CCNG1: variants seen among roughly 807,000 people sequenced by gnomAD.
The protein encoded by CCNG1 is cyclin-G1.
A neutral mutation model predicts 30.0 loss-of-function variants in CCNG1; 13 were observed. The ratio of observed to expected loss-of-function variants is 0.43; its 90% CI spans 0.28 to 0.69. The LOEUF is 0.69. Ranked by LOEUF, CCNG1 falls within the 30% of genes least tolerant of loss-of-function variation. CCNG1 has a pLI of 0.16. For synonymous variants in CCNG1, 110 were observed against 121.5 expected (o/e 0.91, Z 0.62); for missense variants, 285 against 331.4 (o/e 0.86, Z 1.09).
chr5:163,456,176 G>A, the CCNG1 span, among the ~76,000 whole-genome samples: 1 of 152,186 alleles, frequency 6.6e-6, no homozygotes, highest in South Asian at 2.1e-4. Flanking sequence ...AAAAAGTCTA[G>A]GCTAGAGATA....
chr5:163,455,903 A>G, the CCNG1 span, among the ~76,000 whole-genome samples: 5 of 152,228 alleles, frequency 3.3e-5, no homozygotes, highest in African/African-American at 1.2e-4. Context: ...GCCAAATTCT[A>G]AATATATTTC....
intron 5 of CCNG1, 114 bp from the exon 6 acceptor site, chr5:163,442,260 T>G (rs539961844): frequency 1.8e-6 from 2 of 1,097,580 alleles, no homozygotes; most frequent in Non-Finnish European, 2.6e-6. Context: ...GTAGCTATCC[T>G]CAAATGTTTT....
chr5:163,456,002 C>G, the CCNG1 span, among the ~76,000 whole-genome samples: 1 of 151,802 alleles, frequency 6.6e-6, no homozygotes, highest in Non-Finnish European at 1.5e-5. Flanking sequence ...TTTTTTTGAC[C>G]TGAACTACTA....
At chr5:163,454,589 C>T in the CCNG1 span, among the ~76,000 whole-genome samples, 18 of 152,348 alleles carry the variant, frequency 1.2e-4, no homozygotes, top group East Asian at 3.5e-3. Context: ...GATCCGCCTG[C>T]CTCAGCCTCC....
chr5:163,456,247 C>T, the CCNG1 span, among the ~76,000 whole-genome samples: 1 of 152,140 alleles, frequency 6.6e-6, no homozygotes, highest in Admixed American at 6.5e-5. Flanking sequence ...CTAGCAATTC[C>T]TCTCCTAGAT....
At chr5:163,450,325 A>C (rs1458506445), downstream of CCNG1, 3 of 152,182 alleles carry the variant, frequency 2.0e-5, no homozygotes, top group Admixed American at 2.0e-4. Flanking sequence ...GACACCAAAA[A>C]CATGATCCAC....
At chr5:163,440,392 A>G (rs1757746336) in intron 2 of CCNG1, among the ~76,000 whole-genome samples, 1 of 152,230 alleles carries the variant, frequency 6.6e-6, no homozygotes, top group Non-Finnish European at 1.5e-5. Flanking sequence ...ACAAGTCATA[A>G]TAAGAAAAAT....
Position 163,443,838 on chromosome 5 carries a change from A to G in CCNG1, c.*168A>G. ...ACTGCCTAATATTATGCTGTAGTGG[A>G]ATTATGTTTAGATTTGAATTCATCT... is the stretch of plus-strand genomic sequence containing the variant. On this transcript the variant is annotated 3_prime_UTR_variant, in exon 7 of 7. Transcript: ENST00000340828. The G allele has an allele frequency of 1.6e-6, 1 of 644,070 alleles. No individual in the cohort carries two copies. Among genetic ancestry groups the G allele is most frequent in the East Asian group, 2.9e-5 (1 of 34,574 alleles). 39.9% of individuals were successfully genotyped at this position (644,070 alleles called of 1,614,324 possible).
the CCNG1 span, chr5:163,451,154 T>A: frequency 6.6e-6 from 1 of 152,322 alleles, no homozygotes; most frequent in Non-Finnish European, 1.5e-5. Context: ...AGCTAAACTA[T>A]ACAAGGTTTC....
chr5:163,448,478 C>T (rs1167280890), downstream of CCNG1: 1 of 152,136 alleles, frequency 6.6e-6, no homozygotes, highest in African/African-American at 2.4e-5. Context: ...AGTACCCAAA[C>T]TTAAATAAAC....
downstream of CCNG1, chr5:163,448,515 T>C (rs867818280): frequency 2.0e-5 from 3 of 152,276 alleles, no homozygotes; most frequent in Admixed American, 6.5e-5. Context: ...TTTTTAAAAA[T>C]TGAACCATTG....
At position 163,444,578 on chromosome 5, in the gene CCNG1, C is replaced by T. The variant is rs1757978626; in HGVS notation, c.*908C>T. 6.6e-6 allele frequency: 1 copy of T among 152,540 alleles called. No homozygotes were observed. The highest frequency in any genetic ancestry group is 2.4e-5 in the African/African-American group (1 of 41,428). The allele number at this position is 152,540 out of a possible 1,614,324, so 9.4% of individuals were successfully genotyped here. A position where few individuals can be genotyped will look rare whatever the true frequency, so the allele number is the denominator to read the frequency against. On this transcript the variant is annotated 3_prime_UTR_variant, in exon 7 of 7. Transcript: ENST00000340828. ...ATTTTATAAATAGAGAATATACTTC[C>T]ACTGATGCCCTTACTGTGCCAAAAC...
the CCNG1 span, chr5:163,457,058 A>G: frequency 1.9e-6 from 3 of 1,608,048 alleles, no homozygotes; most frequent in South Asian, 3.4e-5. Flanking sequence ...TTGTAAGAAC[A>G]ATACGAACCA....
chr5:163,450,242 C>CA (rs1348638449), downstream of CCNG1: 1 of 152,158 alleles, frequency 6.6e-6, no homozygotes, highest in Non-Finnish European at 1.5e-5. Context: ...GCCTGGGTGA[C>CA]AGAGTGAGAA....
rs537736408 is a variant in CCNG1 at position 163,444,390 on chromosome 5, C to T, written c.*720C>T. ...AAAATTTTTATACAGAACCTACTGC[C>T]TCAAACTGAATCCCATCAAGAAAAC... is the stretch of plus-strand genomic sequence containing the variant. On this transcript the variant is annotated 3_prime_UTR_variant, in exon 7 of 7. Transcript: ENST00000340828. The T allele has an allele frequency of 6.6e-6, 1 of 152,544 alleles. No homozygotes were observed. Among genetic ancestry groups the T allele is most frequent in the East Asian group, 1.9e-4 (1 of 5,186 alleles). The allele number at this position is 152,544 out of a possible 1,614,324, so 9.4% of individuals were successfully genotyped here. A position where few individuals can be genotyped will look rare whatever the true frequency, so the allele number is the denominator to read the frequency against.
At chr5:163,450,588 G>C (rs1758154111), downstream of CCNG1, 4 of 152,170 alleles carry the variant, frequency 2.6e-5, no homozygotes, top group Admixed American at 2.6e-4. Context: ...CATAGTATCA[G>C]AGAATAGCAA....
At chr5:163,439,192 G>C (rs1373212294) in intron 1 of CCNG1, 65 bp from the exon 2 acceptor site, 2 of 1,440,904 alleles carry the variant, frequency 1.4e-6, no homozygotes, top group African/African-American at 2.8e-5. Context: ...CCAGTGCAAA[G>C]ATGGCCAAGG....
At chr5:163,452,408 T>TG in the CCNG1 span, 21 of 152,112 alleles carry the variant, frequency 1.4e-4, no homozygotes, top group Non-Finnish European at 2.8e-4. Flanking sequence ...TGAATAATGA[T>TG]GGGAATGTGT....
rs1757949975 is a variant in CCNG1, at chr5:163,443,821, A to G, written c.*151A>G. On this transcript the variant is annotated 3_prime_UTR_variant, in exon 7 of 7. Coordinates refer to ENST00000340828, the MANE Select transcript of CCNG1 (RefSeq NM_004060.4). ...GTCTCAGACTTGGGAAAACTGCCTA[A>G]TATTATGCTGTAGTGGAATTATGTT... The G allele has an allele frequency of 4.0e-6, 3 of 756,770 alleles. No homozygotes were observed. Among genetic ancestry groups the G allele is most frequent in the Admixed American group, 2.6e-5 (1 of 38,134 alleles). 46.9% of individuals were successfully genotyped at this position (756,770 alleles called of 1,614,324 possible). A position where few individuals can be genotyped will look rare whatever the true frequency, so the allele number is the denominator to read the frequency against.
Sources: gnomAD v4.1 joint callset for allele counts (sites outside exome capture counted in the v4.1 genomes callset) on GRCh38, gnomAD v4.1.1 for gene constraint, MANE v1.5 for transcripts, NCBI Gene and HGNC (gene_info 2026-07-23, HGNC 2026-07-21) for gene names.